KCNH1: variants seen among roughly 807,000 people sequenced by gnomAD.
KCNH1 encodes potassium voltage-gated channel subfamily H member 1.
Under a neutral mutation model 69.2 loss-of-function variants are expected in KCNH1, and 27 were observed. The observed-to-expected ratio is 0.39, with a 90% CI of 0.29 to 0.54. The LOEUF is 0.54. Ranked by LOEUF, KCNH1 falls within the 20% of genes least tolerant of loss-of-function variation. The probability of loss-of-function intolerance (pLI) is 0.68; values close to 1 mark genes in which losing one functional copy is unlikely to be tolerated. For missense variants in KCNH1, 798 were observed against 1,261.6 expected, an observed-to-expected ratio of 0.63 and a Z score of 5.57; for synonymous variants, 456 against 487.7, an observed-to-expected ratio of 0.93 and a Z score of 0.86.
chr1:211,011,617 A>C (rs1358660780), intron 6 of KCNH1, among the ~76,000 whole-genome samples: 1 of 151,890 alleles, frequency 6.6e-6, no homozygotes, highest in Non-Finnish European at 1.5e-5. Context: ...TAGGTTTTAC[A>C]TTTTTTTTAA....
At chr1:211,058,004 T>A (rs1321494624) in intron 5 of KCNH1, among the ~76,000 whole-genome samples, 1 of 151,740 alleles carries the variant, frequency 6.6e-6, no homozygotes, top group African/African-American at 2.4e-5. Flanking sequence ...CTCCAATATA[T>A]CTGGCAGCAG....
intron 1 of KCNH1, among the ~76,000 whole-genome samples, chr1:211,121,643 G>A (rs576987194): frequency 6.7e-4 from 102 of 152,194 alleles, no homozygotes; most frequent in African/African-American, 2.4e-3. Flanking sequence ...TGACAAAAAC[G>A]CCAAAAGCAA....
chr1:210,832,819 A>G (rs1251326618), intron 7 of KCNH1, among the ~76,000 whole-genome samples: 2 of 151,504 alleles, frequency 1.3e-5, no homozygotes, highest in Non-Finnish European at 2.9e-5. Context: ...AATGTCTTAT[A>G]TATTATACAA....
chr1:211,008,148 A>G (rs1689319807), intron 6 of KCNH1, among the ~76,000 whole-genome samples: 1 of 152,228 alleles, frequency 6.6e-6, no homozygotes, highest in South Asian at 2.1e-4. Flanking sequence ...AAGTAGAAGC[A>G]ACTCATATCC....
Position 210,683,207 on chromosome 1 carries a change from A to C in KCNH1, c.*74T>G. On this transcript the variant is annotated 3_prime_UTR_variant, in exon 11 of 11. Transcript: ENST00000271751. This position sits in a 1 kb window ranked among gnomAD's most constrained non-coding sequence, Gnocchi z 5.7. The stretch of plus-strand genomic sequence containing the variant: ...TACTTGAAAATTGTTGGTCATGTGG[A>C]CATATGTGGTAGGGGTGGTGGTGAC... 2.1e-6 allele frequency: 3 copies of C among 1,399,782 alleles called. No homozygotes were observed. The highest frequency in any genetic ancestry group is 2.0e-6 in the Non-Finnish European group (2 of 1,025,130). The allele number at this position is 1,399,782 out of a possible 1,614,324, so 86.7% of individuals were successfully genotyped here.
chr1:210,868,443 T>G (rs1461939525), intron 7 of KCNH1, among the ~76,000 whole-genome samples: 1 of 151,952 alleles, frequency 6.6e-6, no homozygotes, highest in Non-Finnish European at 1.5e-5. Flanking sequence ...TCTTTTATGT[T>G]TCAAATGTTT....
chr1:210,972,078 T>A (rs1688521448), intron 6 of KCNH1, among the ~76,000 whole-genome samples: 1 of 152,164 alleles, frequency 6.6e-6, no homozygotes, highest in Admixed American at 6.6e-5. Context: ...GTTCTATTTA[T>A]GCTACATTGG....
chr1:211,116,747 C>T (rs1691591063), intron 1 of KCNH1, among the ~76,000 whole-genome samples: 1 of 152,158 alleles, frequency 6.6e-6, no homozygotes, highest in Non-Finnish European at 1.5e-5. Flanking sequence ...TACTCAGAAC[C>T]TATAATACTT....
chr1:210,989,053 T>G (rs548012443), intron 6 of KCNH1, among the ~76,000 whole-genome samples: 1 of 152,284 alleles, frequency 6.6e-6, no homozygotes, highest in African/African-American at 2.4e-5. Flanking sequence ...CTGTCACACA[T>G]TTTAGGTTGC....
intron 7 of KCNH1, among the ~76,000 whole-genome samples, chr1:210,870,960 C>A (rs957665935): frequency 6.6e-6 from 1 of 152,184 alleles, no homozygotes; most frequent in Non-Finnish European, 1.5e-5. Flanking sequence ...AGACAATTTA[C>A]TGACTCTGAG....
At chr1:211,015,806 T>C (rs1476836440) in intron 6 of KCNH1, among the ~76,000 whole-genome samples, 2 of 152,160 alleles carry the variant, frequency 1.3e-5, no homozygotes, top group Non-Finnish European at 2.9e-5. Context: ...CCAAGAGAAC[T>C]AAAAGCCAAA....
At chr1:210,823,597 CAT>C (rs1227498789) in intron 7 of KCNH1, among the ~76,000 whole-genome samples, 1 of 152,196 alleles carries the variant, frequency 6.6e-6, no homozygotes, top group Non-Finnish European at 1.5e-5. Flanking sequence ...AAATAGCAAA[CAT>C]ATATTGAGTG....
At chr1:210,729,393 CT>C (rs1195074406) in intron 10 of KCNH1, among the ~76,000 whole-genome samples, 1 of 152,212 alleles carries the variant, frequency 6.6e-6, no homozygotes, top group Non-Finnish European at 1.5e-5. Context: ...CCAAGTCTAA[CT>C]TTCAATACTT....
chr1:210,685,542 G>A (rs1681391158), intron 10 of KCNH1, among the ~76,000 whole-genome samples: 2 of 152,208 alleles, frequency 1.3e-5, no homozygotes, highest in African/African-American at 4.8e-5. Flanking sequence ...CCCATTACTT[G>A]ACTGTGGAAC....
intron 3 of KCNH1, among the ~76,000 whole-genome samples, chr1:211,096,783 G>GA (rs1405932665): frequency 2.0e-5 from 3 of 152,042 alleles, no homozygotes; most frequent in Admixed American, 2.0e-4. Context: ...AATTCAAACA[G>GA]AAAAATTAAG....
chr1:211,066,596 G>C (rs977743534), intron 5 of KCNH1, among the ~76,000 whole-genome samples: 1 of 152,142 alleles, frequency 6.6e-6, no homozygotes, highest in African/African-American at 2.4e-5. Flanking sequence ...TGCTCAACCT[G>C]TATATGCCAT....
At chr1:210,980,924 A>T (rs1484484840) in intron 6 of KCNH1, among the ~76,000 whole-genome samples, 3 of 152,172 alleles carry the variant, frequency 2.0e-5, no homozygotes, top group Non-Finnish European at 4.4e-5. Context: ...TTAGTTACAG[A>T]CATTACCTTG....
At chr1:210,798,716 G>A (rs973218515) in intron 8 of KCNH1, among the ~76,000 whole-genome samples, 3 of 152,198 alleles carry the variant, frequency 2.0e-5, no homozygotes, top group Non-Finnish European at 4.4e-5. Flanking sequence ...AGCTGTCCAG[G>A]TGAGAGGTGA....
intron 10 of KCNH1, among the ~76,000 whole-genome samples, chr1:210,698,893 C>T (rs1407676492): frequency 6.6e-6 from 1 of 152,232 alleles, no homozygotes; most frequent in African/African-American, 2.4e-5. Context: ...GCAGAGGCCA[C>T]GGGCAGCTGC....
Sources: gnomAD v4.1 joint callset for allele counts (sites outside exome capture counted in the v4.1 genomes callset) on GRCh38, gnomAD v4.1.1 for gene constraint, Gnocchi (gnomAD v3.1) non-coding constraint, MANE v1.5 for transcripts, NCBI Gene and HGNC (gene_info 2026-07-23, HGNC 2026-07-21) for gene names.